RAPGEF4: variants seen among roughly 807,000 people sequenced by gnomAD.
RAPGEF4 encodes the protein Rap guanine nucleotide exchange factor 4.
RAPGEF4 carries 66 observed loss-of-function variants against 147.9 expected under a neutral mutation model. The observed-to-expected ratio is 0.45, with a 90% confidence interval of 0.37 to 0.55. The LOEUF (loss-of-function observed/expected upper bound fraction) is 0.55, where lower values mean the gene tolerates loss of function less well. Among genes scored for constraint, RAPGEF4 ranks in the 20% least tolerant of loss-of-function variants. The pLI, the probability that RAPGEF4 is intolerant of heterozygous loss-of-function variation, is 0.00. For missense variants in RAPGEF4, 1,071 were observed against 1,257.3 expected, an observed-to-expected ratio of 0.85 and a Z score of 2.24; for synonymous variants, 419 against 442.7, an observed-to-expected ratio of 0.95 and a Z score of 0.67.
intron 4 of RAPGEF4, among the ~76,000 whole-genome samples, chr2:172,842,422 AAAC>A (rs1428915315): frequency 6.6e-6 from 1 of 152,232 alleles, no homozygotes; most frequent in Non-Finnish European, 1.5e-5. Flanking sequence ...TAGTGCCTTG[AAAC>A]AACAACACCT....
chr2:172,932,090 C>T (rs1205904752), intron 6 of RAPGEF4, among the ~76,000 whole-genome samples: 1 of 151,522 alleles, frequency 6.6e-6, no homozygotes, highest in Non-Finnish European at 1.5e-5. Context: ...ACGTGGGCTC[C>T]CTCTGGTGGT....
Position 172,967,458 on chromosome 2 carries a change from C to T in RAPGEF4, c.1004+14C>T, listed in dbSNP as rs372986756. On this transcript the variant is annotated intron_variant, in intron 10 of 30. Transcript: ENST00000397081. ...CCTTCGCAAACCGTGAGTGAGAGCT[C>T]GTGGCTCACCCCTCCAGGTCCCAAG... is the stretch of plus-strand genomic sequence containing the variant. 11 of 1,605,420 alleles carry T rather than the reference C, an allele frequency of 6.9e-6. No individual in the cohort carries two copies. Among genetic ancestry groups the T allele is most frequent in the African/African-American group, 1.3e-5 (1 of 74,842 alleles).
intron 5 of RAPGEF4, among the ~76,000 whole-genome samples, chr2:172,918,672 C>G (rs1412968895): frequency 6.6e-6 from 1 of 152,098 alleles, no homozygotes; most frequent in Non-Finnish European, 1.5e-5. Flanking sequence ...TCATGCATGT[C>G]GGAAACATGG....
At chr2:172,802,044 G>A (rs1687036567) in intron 3 of RAPGEF4, among the ~76,000 whole-genome samples, 1 of 152,122 alleles carries the variant, frequency 6.6e-6, no homozygotes, top group Non-Finnish European at 1.5e-5. Context: ...GAAGTACACT[G>A]TGTACAAGAT....
chr2:172,950,186 G>A (rs937254237), intron 6 of RAPGEF4, among the ~76,000 whole-genome samples: 2 of 152,128 alleles, frequency 1.3e-5, no homozygotes, highest in African/African-American at 4.8e-5. Context: ...TAAAGCCCAA[G>A]CTTGTGACCC....
At chr2:172,841,830 A>G (rs1691642921) in intron 4 of RAPGEF4, among the ~76,000 whole-genome samples, 1 of 81,344 alleles carries the variant, frequency 1.2e-5, no homozygotes. Flanking sequence ...CACACACACT[A>G]CACACACACT....
At chr2:172,821,737 TAAA>T (rs35414922) in intron 4 of RAPGEF4, 6,490 of 804,386 alleles carry the variant, frequency 8.1e-3, no homozygotes, top group Non-Finnish European at 8.4e-3. Flanking sequence ...TAACTAAAGT[TAAA>T]AAAAAAAAAA....
chr2:172,995,818 C>A (rs1363701777), intron 15 of RAPGEF4, among the ~76,000 whole-genome samples: 1 of 152,124 alleles, frequency 6.6e-6, no homozygotes, highest in African/African-American at 2.4e-5. Flanking sequence ...AATATAACCC[C>A]CAGTAATTTA....
At chr2:172,859,505 G>T (rs17706463) in intron 4 of RAPGEF4, among the ~76,000 whole-genome samples, 23,490 of 152,232 alleles carry the variant, frequency 0.15, 2,154 homozygotes, top group East Asian at 0.25. Context: ...ATAGCAGGTT[G>T]CAACAAGGTT....
chr2:172,995,346 C>T (rs1354683186), intron 15 of RAPGEF4, among the ~76,000 whole-genome samples: 1 of 151,304 alleles, frequency 6.6e-6, no homozygotes. Context: ...GTGGTGTGAT[C>T]TCCGCTCACT....
intron 24 of RAPGEF4, among the ~76,000 whole-genome samples, 161 bp from the exon 25 acceptor site, chr2:173,026,920 C>G (rs1327472812): frequency 4.6e-5 from 7 of 152,026 alleles, no homozygotes; most frequent in Admixed American, 2.6e-4. Context: ...CCAGTAAAAC[C>G]TAGTTTATAT....
At chr2:173,025,296 T>C (rs7608816) in intron 23 of RAPGEF4, among the ~76,000 whole-genome samples, 2,935 of 152,320 alleles carry the variant, frequency 0.019, 84 homozygotes, top group African/African-American at 0.057. Context: ...CTGCAGAACA[T>C]GTAATTTCTC....
At chr2:173,050,804 T>G (rs575760273) in intron 30 of RAPGEF4, among the ~76,000 whole-genome samples, 120 of 150,798 alleles carry the variant, frequency 8.0e-4, no homozygotes, top group Non-Finnish European at 1.4e-3. Context: ...AGGCACAGAT[T>G]CCCCGTGGCA....
At chr2:172,995,565 C>T (rs747558399) in intron 15 of RAPGEF4, among the ~76,000 whole-genome samples, 16 of 152,110 alleles carry the variant, frequency 1.1e-4, no homozygotes, top group Admixed American at 3.3e-4. Flanking sequence ...CAGACGTGAG[C>T]CACTGCGCCT....
chr2:172,814,469 AG>A (rs769578051), intron 4 of RAPGEF4, 44 bp downstream of exon 4: 1 of 1,602,010 alleles, frequency 6.2e-7, no homozygotes, highest in Admixed American at 1.7e-5. Context: ...GTTTCAGAAA[AG>A]AAAGGGAGCT....
intron 4 of RAPGEF4, among the ~76,000 whole-genome samples, chr2:172,817,875 GAT>G (rs57719631): frequency 0.41 from 58,606 of 142,538 alleles, 11,862 homozygotes; most frequent in East Asian, 0.55. Flanking sequence ...AAGAAATTGT[GAT>G]ATATATATAT....
chr2:172,983,750 C>A (rs1482885755), intron 11 of RAPGEF4, among the ~76,000 whole-genome samples, 170 bp downstream of exon 11: 1 of 152,184 alleles, frequency 6.6e-6, no homozygotes, highest in African/African-American at 2.4e-5. Flanking sequence ...AGAACAATCA[C>A]TGAAAGGAAT....
intron 4 of RAPGEF4, among the ~76,000 whole-genome samples, chr2:172,815,569 A>G (rs905822426): frequency 1.3e-5 from 2 of 152,252 alleles, no homozygotes; most frequent in Non-Finnish European, 2.9e-5. Flanking sequence ...ATTTTCTGTC[A>G]ATTAAAAGGG....
chr2:172,917,194 G>A (rs570637616), intron 4 of RAPGEF4, among the ~76,000 whole-genome samples: 12 of 152,220 alleles, frequency 7.9e-5, no homozygotes, highest in African/African-American at 2.9e-4. Context: ...AAGTCAGGCA[G>A]TTACAATTCA....
Sources: gnomAD v4.1 joint callset for allele counts (sites outside exome capture counted in the v4.1 genomes callset) on GRCh38, gnomAD v4.1.1 for gene constraint, MANE v1.5 for transcripts, NCBI Gene and HGNC (gene_info 2026-07-23, HGNC 2026-07-21) for gene names.